Variants in TTC6 observed in about 807,000 individuals in gnomAD.
The protein encoded by TTC6 is tetratricopeptide repeat domain 6, also known as tetratricopeptide repeat protein 6.
In TTC6, 172 loss-of-function variants were observed where a neutral mutation model predicts 210.4. That is an observed-to-expected ratio of 0.82 (90% CI 0.72 to 0.93). TTC6 has a LOEUF of 0.93. TTC6 is among the 40% of genes least tolerant of loss of function. The pLI is 0.00. For missense variants in TTC6, 2,414 were observed against 2,318.1 expected, an observed-to-expected ratio of 1.04 and a Z score of -0.85; for synonymous variants, 804 against 819.6, an observed-to-expected ratio of 0.98 and a Z score of 0.32.
chr14:37,763,051 A>T (rs1345782715), intron 14 of TTC6, among the ~76,000 whole-genome samples: 2 of 145,638 alleles, frequency 1.4e-5, no homozygotes, highest in African/African-American at 2.5e-5. Flanking sequence ...CACCCGCCTA[A>T]TTTTTTTTTT....
intron 14 of TTC6, among the ~76,000 whole-genome samples, chr14:37,770,633 T>A (rs1180499273): frequency 6.6e-6 from 1 of 151,972 alleles, no homozygotes; most frequent in East Asian, 1.9e-4. Context: ...AACCCCTGCC[T>A]TTTTTTGTTT....
chr14:37,622,101 A>C, exon 1 of TTC6: 1 of 1,534,320 alleles, frequency 6.5e-7, no homozygotes, highest in Non-Finnish European at 8.7e-7. Context: ...CCTGAAATAC[A>C]AAGAGGAATC....
chr14:37,765,826 C>A (rs1037651155), intron 14 of TTC6, among the ~76,000 whole-genome samples: 6 of 151,904 alleles, frequency 3.9e-5, no homozygotes, highest in Admixed American at 2.6e-4. Flanking sequence ...AGAATTCTTG[C>A]TTGATTTTTT....
At chr14:37,622,830 C>T (rs2139301984) in exon 1 of TTC6, 2 of 1,533,970 alleles carry the variant, frequency 1.3e-6, no homozygotes, top group Non-Finnish European at 1.7e-6. Flanking sequence ...GAGCTGGCCG[C>T]CCAGCGACGC....
At chr14:37,712,626 G>A (rs1193662011) in intron 5 of TTC6, among the ~76,000 whole-genome samples, 2 of 152,120 alleles carry the variant, frequency 1.3e-5, no homozygotes, top group African/African-American at 4.8e-5. Flanking sequence ...AAGCAAACAT[G>A]TCCTTCTTCA....
At chr14:37,818,590 T>A (rs895910570) in intron 26 of TTC6, among the ~76,000 whole-genome samples, 2 of 152,172 alleles carry the variant, frequency 1.3e-5, no homozygotes, top group African/African-American at 4.8e-5. Flanking sequence ...ATTTAGGAAA[T>A]TGACATCCTT....
chr14:37,680,220 G>A, exon 2 of TTC6: 1 of 1,534,180 alleles, frequency 6.5e-7, no homozygotes, highest in Non-Finnish European at 8.7e-7. Context: ...TGAGATACAA[G>A]CAGAGTATAA....
chr14:37,717,844 A>C (rs567619773), intron 6 of TTC6, among the ~76,000 whole-genome samples: 27 of 152,360 alleles, frequency 1.8e-4, no homozygotes, highest in African/African-American at 6.5e-4. Flanking sequence ...ACTCATGTTG[A>C]AATTTAATTG....
At chr14:37,776,657 A>T (rs2096038446) in intron 14 of TTC6, among the ~76,000 whole-genome samples, 1 of 152,068 alleles carries the variant, frequency 6.6e-6, no homozygotes, top group Non-Finnish European at 1.5e-5. Flanking sequence ...AGGATGGATC[A>T]CCTGAGGTGA....
chr14:37,703,299 A>G (rs1366600758), intron 5 of TTC6, among the ~76,000 whole-genome samples: 1 of 152,058 alleles, frequency 6.6e-6, no homozygotes, highest in Non-Finnish European at 1.5e-5. Context: ...TTCTTTTTCC[A>G]AGAGTCAATA....
At chr14:37,692,208 CAAAAA>C (rs3062759) in intron 3 of TTC6, among the ~76,000 whole-genome samples, 204 of 40,160 alleles carry the variant, frequency 5.1e-3, no homozygotes, top group African/African-American at 0.019. Flanking sequence ...AAAGACACAC[CAAAAA>C]AAAAAAAAAA....
intron 1 of TTC6, among the ~76,000 whole-genome samples, chr14:37,673,241 G>A (rs1272978218): frequency 6.6e-6 from 1 of 152,106 alleles, no homozygotes; most frequent in African/African-American, 2.4e-5. Context: ...CTGTAAGGAG[G>A]ATTCCACAGG....
At chr14:37,705,019 G>A (rs868209765) in intron 5 of TTC6, among the ~76,000 whole-genome samples, 1 of 151,860 alleles carries the variant, frequency 6.6e-6, no homozygotes, top group African/African-American at 2.4e-5. Flanking sequence ...TCACTGATTT[G>A]TCTATCTAAA....
intron 26 of TTC6, among the ~76,000 whole-genome samples, chr14:37,819,257 G>A (rs927235884): frequency 6.6e-6 from 1 of 151,964 alleles, no homozygotes; most frequent in Non-Finnish European, 1.5e-5. Flanking sequence ...ATTTATTTCA[G>A]GAAAAATATT....
At chr14:37,750,973 AG>A (rs1422337396) in intron 12 of TTC6, 79 bp from the exon 15 acceptor site, 1 of 787,708 alleles carries the variant, frequency 1.3e-6, no homozygotes, top group Non-Finnish European at 1.9e-6. Flanking sequence ...ACATTTGTGG[AG>A]GGAGAGGGAT....
At chr14:37,608,213 T>G (rs1426941363) in intron 2 of TTC6, among the ~76,000 whole-genome samples, 1 of 152,236 alleles carries the variant, frequency 6.6e-6, no homozygotes, top group Non-Finnish European at 1.5e-5. Context: ...AAATGCATAA[T>G]GCACATGTTT....
chr14:37,677,236 T>C (rs1388137732), intron 1 of TTC6, among the ~76,000 whole-genome samples: 1 of 152,088 alleles, frequency 6.6e-6, no homozygotes, highest in Non-Finnish European at 1.5e-5. Context: ...TTAATTTCTT[T>C]CAGCAATATT....
intron 8 of TTC6, among the ~76,000 whole-genome samples, chr14:37,736,353 T>C (rs541278474): frequency 1.3e-5 from 2 of 150,140 alleles, no homozygotes; most frequent in Non-Finnish European, 3.0e-5. Context: ...TCAAAAAAAA[T>C]TTTTTTTTTT....
chr14:37,741,222 G>A (rs1428723867), intron 10 of TTC6, among the ~76,000 whole-genome samples: 1 of 149,530 alleles, frequency 6.7e-6, no homozygotes, highest in Non-Finnish European at 1.5e-5. Context: ...TAACAACTAT[G>A]GAGCAACTTG....
Sources: gnomAD v4.1 joint callset for allele counts (sites outside exome capture counted in the v4.1 genomes callset) on GRCh38, gnomAD v4.1.1 for gene constraint, MANE v1.5 for transcripts, NCBI Gene and HGNC (gene_info 2026-07-23, HGNC 2026-07-21) for gene names.